TCF4: variants seen among roughly 807,000 people sequenced by gnomAD.
TCF4 encodes transcription factor 4.
Under a neutral mutation model 82.1 loss-of-function variants are expected in TCF4, and 3 were observed. That is an observed-to-expected ratio of 0.04 (90% CI 0.02 to 0.09). The LOEUF is 0.09. Among genes scored for constraint, TCF4 ranks in the 10% least tolerant of loss-of-function variants. TCF4 has a pLI of 1.00. For synonymous variants in TCF4, 276 were observed against 309.6 expected, an observed-to-expected ratio of 0.89 and a Z score of 1.14; for missense variants, 518 against 852.7, an observed-to-expected ratio of 0.61 and a Z score of 4.89.
At chr18:55,504,825 GACA>G (rs2096736196) in intron 3 of TCF4, among the ~76,000 whole-genome samples, 1 of 152,090 alleles carries the variant, frequency 6.6e-6, no homozygotes. Flanking sequence ...AAACAAAACA[GACA>G]ACCTCTCCCA....
At chr18:55,493,199 A>C (rs1236049279) in intron 3 of TCF4, among the ~76,000 whole-genome samples, 1 of 152,186 alleles carries the variant, frequency 6.6e-6, no homozygotes, top group African/African-American at 2.4e-5. Context: ...TATTTTAAAA[A>C]ACAAGAAACT....
chr18:55,534,497 CCT>C (rs1318263579), intron 3 of TCF4, among the ~76,000 whole-genome samples: 2 of 152,210 alleles, frequency 1.3e-5, no homozygotes, highest in Admixed American at 6.5e-5. Context: ...TGCTCCCTCC[CCT>C]GTCTGCACTC....
chr18:55,229,266 T>C (rs889741058), intron 17 of TCF4, 190 bp from the exon 18 acceptor site: 2 of 658,888 alleles, frequency 3.0e-6, no homozygotes, highest in Non-Finnish European at 5.3e-6. Flanking sequence ...ACACAAGATA[T>C]TTGGTTTTCT....
chr18:55,377,754 C>A (rs528976070), intron 6 of TCF4, among the ~76,000 whole-genome samples: 5 of 152,152 alleles, frequency 3.3e-5, no homozygotes, highest in Admixed American at 1.3e-4. Context: ...TGAACATCTA[C>A]AAAAATAATC....
chr18:55,372,185 T>C (rs1477475455), intron 6 of TCF4, among the ~76,000 whole-genome samples: 1 of 152,106 alleles, frequency 6.6e-6, no homozygotes, highest in African/African-American at 2.4e-5. Flanking sequence ...AGAAGAGATA[T>C]ACATGCCAAA....
chr18:55,466,803 C>T (rs1198165646), intron 3 of TCF4, among the ~76,000 whole-genome samples: 3 of 152,144 alleles, frequency 2.0e-5, no homozygotes, highest in African/African-American at 4.8e-5. Context: ...CTTGAGTATT[C>T]CCAACTGGGC....
intron 8 of TCF4, among the ~76,000 whole-genome samples, chr18:55,292,019 G>C (rs2065215082): frequency 6.6e-6 from 1 of 152,026 alleles, no homozygotes; most frequent in Admixed American, 6.6e-5. Flanking sequence ...AATTAAGAAG[G>C]GCAATAATAT....
rs1193620865 is a variant in TCF4 at position 55,224,481 on chromosome 18, T to G, written c.*3554A>C. 1 of 152,608 alleles carries G rather than the reference T, an allele frequency of 6.6e-6. No homozygotes were observed. The highest frequency in any genetic ancestry group is 2.4e-5 in the African/African-American group (1 of 41,450). 9.5% of individuals were successfully genotyped at this position (152,608 alleles called of 1,614,324 possible). ...CAGCAGACTAAATTTTTGTGCTTGT[T>G]TATGCTGAAATTGATTCATTCCTGA... is the stretch of plus-strand genomic sequence containing the variant. On this transcript the variant is annotated 3_prime_UTR_variant, in exon 20 of 20. Coordinates refer to ENST00000354452, the MANE Select transcript of TCF4 (RefSeq NM_001083962.2).
intron 2 of TCF4, chr18:55,586,002 A>G: frequency 7.5e-7 from 1 of 1,341,640 alleles, no homozygotes; most frequent in Non-Finnish European, 9.7e-7. Context: ...GCAAAAAGCA[A>G]AGGAACGAAT....
At chr18:55,446,361 A>G (rs571324153) in intron 5 of TCF4, among the ~76,000 whole-genome samples, 1 of 152,064 alleles carries the variant, frequency 6.6e-6, no homozygotes, top group Non-Finnish European at 1.5e-5. Flanking sequence ...CTAACCTACC[A>G]TTGTTATCAG....
intron 8 of TCF4, chr18:55,321,515 A>G (rs2075484094): frequency 9.0e-7 from 1 of 1,116,584 alleles, no homozygotes; most frequent in African/African-American, 1.5e-5. Flanking sequence ...GGCAAGAAGA[A>G]GATCTTAGGA....
intron 3 of TCF4, among the ~76,000 whole-genome samples, chr18:55,472,078 C>T (rs2096196422): frequency 6.6e-6 from 1 of 152,190 alleles, no homozygotes; most frequent in African/African-American, 2.4e-5. Flanking sequence ...GTATTATTTT[C>T]CTTAAGTTCA....
intron 3 of TCF4, among the ~76,000 whole-genome samples, chr18:55,584,855 T>C (rs2097621173): frequency 6.6e-6 from 1 of 152,222 alleles, no homozygotes. Flanking sequence ...AGTGTTCATT[T>C]CTTTAAAAGG....
intron 10 of TCF4, among the ~76,000 whole-genome samples, chr18:55,274,479 G>A (rs780827558): frequency 6.6e-6 from 1 of 152,198 alleles, no homozygotes; most frequent in African/African-American, 2.4e-5. Context: ...TTAACTTCTG[G>A]AATTTTTTTG....
chr18:55,430,877 A>G (rs1402947641), intron 5 of TCF4, among the ~76,000 whole-genome samples: 1 of 152,220 alleles, frequency 6.6e-6, no homozygotes, highest in African/African-American at 2.4e-5. Flanking sequence ...GTGGGTCCCA[A>G]CTTTCACATC....
intron 8 of TCF4, among the ~76,000 whole-genome samples, chr18:55,307,114 C>A (rs1196406373): frequency 6.6e-6 from 1 of 151,878 alleles, no homozygotes; most frequent in Non-Finnish European, 1.5e-5. Context: ...TTTTTATCCA[C>A]AATTCTGATT....
intron 11 of TCF4, among the ~76,000 whole-genome samples, chr18:55,264,048 C>G (rs1425606342): frequency 6.6e-6 from 1 of 151,892 alleles, no homozygotes; most frequent in African/African-American, 2.4e-5. Context: ...AAAACCAATA[C>G]AAATATTTTA....
Position 55,462,846 on chromosome 18 carries a change from T to A in TCF4, c.207+1230A>T, listed in dbSNP as rs183885861. Among the ~76,000 whole-genome samples, 346 of 152,246 alleles carry A rather than the reference T, an allele frequency of 2.3e-3. 2 individuals are homozygous for A. The highest frequency in any genetic ancestry group is 7.7e-3 in the African/African-American group (318 of 41,552). ...CATATAAAGCATTAGAATGTCAAGC[T>A]CGACAGCTGGTGTAAGGGCTCACAA... On this transcript the variant is annotated intron_variant, in intron 4 of 19. Transcript: ENST00000354452.
chr18:55,630,541 C>A (rs9973140), intron 2 of TCF4, among the ~76,000 whole-genome samples: 1 of 152,180 alleles, frequency 6.6e-6, no homozygotes. Context: ...TCATTATAGG[C>A]TGATTTCTGG....
Sources: gnomAD v4.1 joint callset for allele counts (sites outside exome capture counted in the v4.1 genomes callset) on GRCh38, gnomAD v4.1.1 for gene constraint, MANE v1.5 for transcripts, NCBI Gene and HGNC (gene_info 2026-07-23, HGNC 2026-07-21) for gene names.